The following NEURL1 variants were observed in gnomAD, a reference collection of about 807,000 sequenced individuals.
NEURL1 encodes E3 ubiquitin-protein ligase NEURL1.
NEURL1 carries 26 observed loss-of-function variants against 41.2 expected under a neutral mutation model. That is an observed-to-expected ratio of 0.63 (90% CI 0.46 to 0.87). The LOEUF (loss-of-function observed/expected upper bound fraction) is 0.87. NEURL1 is among the 40% of genes least tolerant of loss of function. The pLI, the probability that NEURL1 is intolerant of heterozygous loss-of-function variation, is 0.00. For missense variants in NEURL1, 761 were observed against 871.1 expected (o/e 0.87, Z 1.59); for synonymous variants, 400 against 402.3 (o/e 0.99, Z 0.07).
rs138408136 is a variant in NEURL1, at chr10:103,566,684, T to A, written c.86-4188T>A. On this transcript the variant is annotated intron_variant, in intron 1 of 5. Transcript: ENST00000369780. This position sits in a 1 kb window ranked among gnomAD's most constrained non-coding sequence, Gnocchi z 4.2. ...TTGTGTACAGGTCATTGTGTGGACATGTTTTCATTTCTTGTGGGGAAATGC... is the reference window on the plus strand; with the variant it reads ...TTGTGTACAGGTCATTGTGTGGACAAGTTTTCATTTCTTGTGGGGAAATGC... 1.5e-3 allele frequency among the ~76,000 whole-genome samples: 225 copies of A among 152,298 alleles called. No individual in the cohort carries two copies. The highest frequency in any genetic ancestry group is 5.1e-3 in the African/African-American group (214 of 41,566).
chr10:103,503,120 C>A (rs3014207), intron 1 of NEURL1, among the ~76,000 whole-genome samples: 1 of 152,162 alleles, frequency 6.6e-6, no homozygotes, highest in East Asian at 1.9e-4. Flanking sequence ...AGCCAGAGTC[C>A]AAAGGCCCTG....
chr10:103,576,467 A>T (rs991317527), intron 3 of NEURL1, among the ~76,000 whole-genome samples: 1 of 152,012 alleles, frequency 6.6e-6, no homozygotes, highest in Non-Finnish European at 1.5e-5. Flanking sequence ...CAGGGGAGAG[A>T]GCCATGAGAG....
At chr10:103,546,694 GT>G (rs1221994964) in intron 1 of NEURL1, among the ~76,000 whole-genome samples, 2 of 152,328 alleles carry the variant, frequency 1.3e-5, no homozygotes, top group East Asian at 3.9e-4. Flanking sequence ...GGCAGCAGAT[GT>G]AATTTTCTGA....
intron 1 of NEURL1, among the ~76,000 whole-genome samples, chr10:103,551,274 A>G (rs546001906): frequency 6.6e-6 from 1 of 151,382 alleles, no homozygotes; most frequent in African/African-American, 2.4e-5. Context: ...CCCTTTTAGT[A>G]ACAGAATCCT....
At chr10:103,500,933 C>G (rs774104715) in intron 1 of NEURL1, among the ~76,000 whole-genome samples, 10 of 152,124 alleles carry the variant, frequency 6.6e-5, no homozygotes, top group Non-Finnish European at 1.0e-4. Context: ...CTCTTGCATG[C>G]TTGGAGGAGG....
intron 1 of NEURL1, among the ~76,000 whole-genome samples, chr10:103,520,384 T>A (rs2034319950): frequency 6.6e-6 from 1 of 151,816 alleles, no homozygotes; most frequent in African/African-American, 2.4e-5. Context: ...CAAGGGGGGT[T>A]TTTCTCTTGC....
At chr10:103,523,850 C>G (rs138508656) in intron 1 of NEURL1, among the ~76,000 whole-genome samples, 1 of 152,040 alleles carries the variant, frequency 6.6e-6, no homozygotes, top group African/African-American at 2.4e-5. Context: ...ACTTGTTGAT[C>G]GACACTTAGG....
Position 103,562,726 on chromosome 10 carries a change from C to T in NEURL1, c.86-8146C>T, listed in dbSNP as rs142798585. ...GTCCTCAAAGGTCCATAGTAAGGCC[C>T]CTAACCTAGTCTGGGGGTCAGAGAG... On this transcript the variant is annotated intron_variant, in intron 1 of 5. Coordinates refer to ENST00000369780, the MANE Select transcript of NEURL1 (RefSeq NM_004210.5). Among the ~76,000 whole-genome samples, 48 of 152,230 alleles carry T rather than the reference C, an allele frequency of 3.2e-4. 1 individual carries two copies. The East Asian group carries it at 8.9e-3, about 28-fold the overall frequency.
At chr10:103,571,417 C>G (rs2035541477) in intron 2 of NEURL1, 84 bp from the exon 3 acceptor site, 2 of 1,366,966 alleles carry the variant, frequency 1.5e-6, no homozygotes, top group Non-Finnish European at 2.0e-6. Flanking sequence ...TGGGATGCTC[C>G]AGGGAGTCCA....
chr10:103,570,314 A>G (rs537673110), intron 1 of NEURL1, among the ~76,000 whole-genome samples: 2 of 152,312 alleles, frequency 1.3e-5, no homozygotes, highest in South Asian at 2.1e-4. Flanking sequence ...GCCACAGAGT[A>G]GAGGCCGCCC....
At chr10:103,577,695 A>G (rs977086338) in intron 3 of NEURL1, 2 of 152,242 alleles carry the variant, frequency 1.3e-5, no homozygotes, top group Non-Finnish European at 2.9e-5. Flanking sequence ...TCAACTGCAC[A>G]TGTTGGGCAC....
intron 1 of NEURL1, among the ~76,000 whole-genome samples, chr10:103,526,456 T>A (rs1020833847): frequency 6.6e-6 from 1 of 152,160 alleles, no homozygotes; most frequent in Non-Finnish European, 1.5e-5. Flanking sequence ...CTTGGTTCAA[T>A]CTTGGTAGAT....
chr10:103,544,341 A>C (rs1249620906), intron 1 of NEURL1, among the ~76,000 whole-genome samples: 1 of 152,116 alleles, frequency 6.6e-6, no homozygotes, highest in Non-Finnish European at 1.5e-5. Flanking sequence ...ACTTCCAGTG[A>C]AGAATGTGCC....
chr10:103,555,364 C>T, intron 1 of NEURL1: 2 of 1,354,574 alleles, frequency 1.5e-6, no homozygotes, highest in Non-Finnish European at 2.0e-6. Context: ...GGTGGCTGCA[C>T]TGCCCGTCGC....
intron 1 of NEURL1, among the ~76,000 whole-genome samples, chr10:103,522,627 T>C (rs1206730761): frequency 6.8e-6 from 1 of 146,620 alleles, no homozygotes. Flanking sequence ...AAAAAAGAAG[T>C]CGTCTTTGTC....
chr10:103,578,348 C>G (rs535535973), intron 3 of NEURL1, among the ~76,000 whole-genome samples: 1 of 152,310 alleles, frequency 6.6e-6, no homozygotes, highest in South Asian at 2.1e-4. Flanking sequence ...GAAGAGGGAG[C>G]CTTGAACCCA....
At chr10:103,531,934 T>C (rs1405308422) in intron 1 of NEURL1, among the ~76,000 whole-genome samples, 1 of 152,248 alleles carries the variant, frequency 6.6e-6, no homozygotes, top group East Asian at 1.9e-4. Flanking sequence ...CCCTTTATCA[T>C]TATATAATGA....
intron 1 of NEURL1, among the ~76,000 whole-genome samples, chr10:103,553,352 T>A (rs1040221015): frequency 6.6e-6 from 1 of 152,198 alleles, no homozygotes; most frequent in Non-Finnish European, 1.5e-5. Context: ...CTTGTCAGAC[T>A]GACTTAGCTT....
At chr10:103,589,162 C>T (rs1306644137) in intron 4 of NEURL1, among the ~76,000 whole-genome samples, 2 of 151,930 alleles carry the variant, frequency 1.3e-5, no homozygotes, top group Non-Finnish European at 2.9e-5. Flanking sequence ...CATGCTCCGG[C>T]CCAGGAAGCT....
Sources: allele counts gnomAD v4.1 joint callset (sites outside exome capture counted in the v4.1 genomes callset), GRCh38; gene constraint gnomAD v4.1.1; non-coding constraint Gnocchi (gnomAD v3.1); transcripts MANE v1.5; gene names NCBI Gene and HGNC (gene_info 2026-07-23, HGNC 2026-07-21).